ATP11C: variants seen among roughly 807,000 people sequenced by gnomAD.
ATP11C encodes the protein ATPase phospholipid transporting 11C (ATP11C blood group).
A neutral mutation model predicts 97.4 loss-of-function variants in ATP11C; 36 were observed. That is an observed-to-expected ratio of 0.37 (90% CI 0.28 to 0.49). The LOEUF (loss-of-function observed/expected upper bound fraction) is 0.49, where lower values mean the gene tolerates loss of function less well. Ranked by LOEUF, ATP11C falls within the 20% of genes least tolerant of loss-of-function variation. ATP11C has a pLI of 0.98. For missense variants in ATP11C, 730 were observed against 824.6 expected (o/e 0.89, Z 1.40); for synonymous variants, 275 against 290.9 (o/e 0.95, Z 0.56).
chrX:139,774,644 C>T (rs1190560623), intron 19 of ATP11C, 46 bp downstream of exon 19: 2 of 1,100,456 alleles, frequency 1.8e-6, no homozygotes, highest in East Asian at 6.0e-5. Context: ...CTGTGATTTA[C>T]ATCTACACCA....
chrX:139,910,105 T>C (rs1244355560), intron 1 of ATP11C: 1 of 112,500 alleles, frequency 8.9e-6, no homozygotes, highest in Non-Finnish European at 1.9e-5. Flanking sequence ...ACCTCAGGTA[T>C]TGGCATATTC....
chrX:139,833,669 CAGAGT>C (rs2083698948), intron 1 of ATP11C, among the ~76,000 whole-genome samples: 1 of 110,847 alleles, frequency 9.0e-6, no homozygotes, highest in Non-Finnish European at 1.9e-5. Flanking sequence ...GCTTGGGCAA[CAGAGT>C]AAAGACCCCA....
chrX:139,826,099 GCT>G (rs1383907025), intron 2 of ATP11C, among the ~76,000 whole-genome samples: 1 of 111,759 alleles, frequency 8.9e-6, no homozygotes, highest in Non-Finnish European at 1.9e-5. Context: ...CCAGGCCAAT[GCT>G]CTTAGTCCTA....
intron 1 of ATP11C, among the ~76,000 whole-genome samples, chrX:139,842,057 A>C (rs2083841270): frequency 8.9e-6 from 1 of 112,235 alleles, no homozygotes; most frequent in Non-Finnish European, 1.9e-5. Flanking sequence ...TTTTTGAGAC[A>C]GTCTCCTTCT....
intron 23 of ATP11C, among the ~76,000 whole-genome samples, chrX:139,751,028 T>A (rs967063156): frequency 8.9e-5 from 10 of 112,457 alleles, no homozygotes; most frequent in African/African-American, 3.2e-4. Context: ...TTTTCACATG[T>A]ATAAATGTCC....
chrX:139,779,461 T>A (rs1196554670), intron 18 of ATP11C, among the ~76,000 whole-genome samples: 1 of 111,931 alleles, frequency 8.9e-6, no homozygotes, highest in Non-Finnish European at 1.9e-5. Context: ...ACATATAAAC[T>A]GAACAACTTG....
At chrX:139,754,445 C>T (rs776574336) in intron 23 of ATP11C, among the ~76,000 whole-genome samples, 17 of 109,438 alleles carry the variant, frequency 1.6e-4, no homozygotes, top group African/African-American at 5.3e-4. Flanking sequence ...TGAAACTATT[C>T]CAAAAAAATT....
chrX:139,742,876 AATATATAT>A (rs869303916), intron 26 of ATP11C, among the ~76,000 whole-genome samples: 186 of 26,195 alleles, frequency 7.1e-3, no homozygotes, highest in African/African-American at 0.03. Flanking sequence ...AAAAAAAAAA[AATATATAT>A]ATATATATAT....
intron 28 of ATP11C, among the ~76,000 whole-genome samples, chrX:139,736,560 C>A (rs1021348328): frequency 1.8e-5 from 2 of 111,719 alleles, no homozygotes; most frequent in Non-Finnish European, 1.9e-5. Context: ...CAAATTGCCA[C>A]TTGAGACATT....
intron 7 of ATP11C, among the ~76,000 whole-genome samples, chrX:139,801,379 A>G (rs1189165922): frequency 8.9e-6 from 1 of 111,926 alleles, no homozygotes; most frequent in Non-Finnish European, 1.9e-5. Flanking sequence ...GATACGGAAG[A>G]GGAAGGGAAA....
intron 12 of ATP11C, among the ~76,000 whole-genome samples, chrX:139,790,618 A>C (rs2082673063): frequency 9.0e-6 from 1 of 111,487 alleles, no homozygotes. Context: ...TTTAAAAGTA[A>C]AATTTTCTAT....
intron 1 of ATP11C, among the ~76,000 whole-genome samples, chrX:139,880,672 C>T (rs897793677): frequency 6.3e-5 from 7 of 111,513 alleles, no homozygotes; most frequent in African/African-American, 2.3e-4. Flanking sequence ...GTCAGATTCC[C>T]CACCTGATCA....
intron 18 of ATP11C, among the ~76,000 whole-genome samples, chrX:139,776,861 T>C (rs765941942): frequency 9.9e-5 from 11 of 111,505 alleles, no homozygotes; most frequent in Middle Eastern, 4.6e-3. Context: ...AATACATCAC[T>C]ACAGCAAACA....
intron 1 of ATP11C, among the ~76,000 whole-genome samples, chrX:139,849,367 C>T (rs186870036): frequency 2.7e-3 from 303 of 111,367 alleles, no homozygotes; most frequent in Non-Finnish European, 4.4e-3. Context: ...AAAAACTCCA[C>T]GATTTCCTTG....
chrX:139,893,678 CT>C (rs768529225), intron 1 of ATP11C, among the ~76,000 whole-genome samples: 2 of 107,896 alleles, frequency 1.9e-5, no homozygotes, highest in Non-Finnish European at 3.8e-5. Context: ...ATGCTCTGGC[CT>C]TTTTACTCTC....
chrX:139,907,108 C>T (rs2084992552), intron 1 of ATP11C, among the ~76,000 whole-genome samples: 1 of 111,512 alleles, frequency 9.0e-6, no homozygotes, highest in Non-Finnish European at 1.9e-5. Flanking sequence ...TCTGCTTTAT[C>T]TTTCCTTTAT....
chrX:139,896,967 C>A (rs1210057067), intron 1 of ATP11C, among the ~76,000 whole-genome samples: 1 of 110,974 alleles, frequency 9.0e-6, no homozygotes, highest in Non-Finnish European at 1.9e-5. Flanking sequence ...GTGGCTCACG[C>A]CTGAAATCCC....
At chrX:139,895,890 T>C (rs955415845) in intron 1 of ATP11C, among the ~76,000 whole-genome samples, 2 of 110,582 alleles carry the variant, frequency 1.8e-5, no homozygotes, top group African/African-American at 6.6e-5. Context: ...GATTTTGCCA[T>C]GTTTGAACTC....
rs775866278 is a variant in ATP11C at position 139,930,076 on chromosome X, T to C, written c.27+1940A>G. On this transcript the variant is annotated intron_variant, in intron 1 of 29. Transcript: ENST00000682941. Reference sequence around the variant, plus strand: ...CCACAGTCATGGCTGCGCAGGAAAATGTGAACAGCTGAATATTCCAGCTGC... The same window carrying C: ...CCACAGTCATGGCTGCGCAGGAAAACGTGAACAGCTGAATATTCCAGCTGC... Among the ~76,000 whole-genome samples, 4 of 111,365 alleles carry C rather than the reference T, an allele frequency of 3.6e-5. No individual in the cohort carries two copies. The East Asian group carries it at 8.5e-4, about 24-fold the overall frequency.
Sources: allele counts gnomAD v4.1 joint callset (sites outside exome capture counted in the v4.1 genomes callset), GRCh38; gene constraint gnomAD v4.1.1; transcripts MANE v1.5; gene names NCBI Gene and HGNC (gene_info 2026-07-23, HGNC 2026-07-21).